Variants in ALK observed in about 807,000 individuals in gnomAD.
ALK encodes ALK receptor tyrosine kinase.
In ALK, 74 loss-of-function variants were observed where a neutral mutation model predicts 163.1. The ratio of observed to expected loss-of-function variants is 0.45; its 90% CI spans 0.38 to 0.55. The LOEUF (loss-of-function observed/expected upper bound fraction) is 0.55. ALK is among the 20% of genes least tolerant of loss of function. The probability of loss-of-function intolerance (pLI) is 0.00; values close to 1 mark genes in which losing one functional copy is unlikely to be tolerated. For synonymous variants in ALK, 960 were observed against 843.2 expected (o/e 1.14, Z -2.40); for missense variants, 2,063 against 2,105.3 (o/e 0.98, Z 0.39).
chr2:29,630,803 G>T (rs1676346819), intron 3 of ALK, among the ~76,000 whole-genome samples: 1 of 151,690 alleles, frequency 6.6e-6, no homozygotes, highest in South Asian at 2.1e-4. Context: ...AAGACTTTTA[G>T]CCTAGTTACT....
chr2:29,432,016 G>A (rs1233429493), intron 4 of ALK, among the ~76,000 whole-genome samples: 33 of 151,954 alleles, frequency 2.2e-4, no homozygotes, highest in Non-Finnish European at 5.9e-5. Context: ...TTGAGGGAGT[G>A]TATCCTAGCA....
chr2:29,771,388 A>G (rs1025720595), intron 1 of ALK, among the ~76,000 whole-genome samples: 15 of 152,234 alleles, frequency 9.9e-5, no homozygotes, highest in African/African-American at 3.1e-4. Flanking sequence ...AAGCTTCTAG[A>G]CAGAGAAAGA....
intron 3 of ALK, among the ~76,000 whole-genome samples, chr2:29,683,516 T>C (rs909133001): frequency 6.6e-6 from 1 of 152,192 alleles, no homozygotes; most frequent in African/African-American, 2.4e-5. Context: ...CCACAACCTT[T>C]GCTATGCAGG....
chr2:29,276,967 G>A (rs745929123), intron 9 of ALK, among the ~76,000 whole-genome samples: 2 of 152,150 alleles, frequency 1.3e-5, no homozygotes, highest in South Asian at 4.1e-4. Context: ...CTTAAAGTGG[G>A]TGCATTTTAT....
intron 4 of ALK, among the ~76,000 whole-genome samples, chr2:29,473,166 A>G (rs1671412794): frequency 6.6e-6 from 1 of 152,336 alleles, no homozygotes; most frequent in African/African-American, 2.4e-5. Flanking sequence ...AATATAGACA[A>G]ACAGAGAAGT....
intron 3 of ALK, among the ~76,000 whole-genome samples, chr2:29,545,638 T>C (rs1174673556): frequency 6.6e-6 from 1 of 152,184 alleles, no homozygotes; most frequent in Non-Finnish European, 1.5e-5. Context: ...TGTGCACTTT[T>C]ACTGTCTCCC....
intron 1 of ALK, among the ~76,000 whole-genome samples, chr2:29,833,760 C>T (rs1448060275): frequency 6.6e-6 from 1 of 152,160 alleles, no homozygotes; most frequent in Non-Finnish European, 1.5e-5. Flanking sequence ...GGATTGGAGC[C>T]CAGGTCTACC....
intron 10 of ALK, 54 bp from the exon 11 acceptor site, chr2:29,275,281 G>A: frequency 6.2e-7 from 1 of 1,613,424 alleles, no homozygotes; most frequent in Non-Finnish European, 8.5e-7. Flanking sequence ...ATTTCAGGGT[G>A]AGAGATGATT....
chr2:29,638,519 T>TGGGGGGGGGGGGG (rs1676610445), intron 3 of ALK, among the ~76,000 whole-genome samples: 1 of 23,458 alleles, frequency 4.3e-5, no homozygotes, highest in Non-Finnish European at 8.2e-5. Flanking sequence ...TGGAGTAGGG[T>TGGGGGGGGGGGGG]GGGGGTGGGG....
intron 4 of ALK, among the ~76,000 whole-genome samples, chr2:29,450,124 C>T (rs1358881327): frequency 6.6e-6 from 1 of 152,194 alleles, no homozygotes; most frequent in Non-Finnish European, 1.5e-5. Context: ...AGGGAAAGAA[C>T]ATCAGTATCA....
At chr2:29,468,578 A>G (rs1443845380) in intron 4 of ALK, among the ~76,000 whole-genome samples, 1 of 152,128 alleles carries the variant, frequency 6.6e-6, no homozygotes. Flanking sequence ...AGCTCAGCTC[A>G]GTGGCTCATG....
intron 3 of ALK, among the ~76,000 whole-genome samples, chr2:29,593,703 T>A (rs1391134182): frequency 6.6e-6 from 1 of 152,236 alleles, no homozygotes; most frequent in Non-Finnish European, 1.5e-5. Context: ...ATGAACACAG[T>A]CATTAAATGT....
chr2:29,619,375 A>C (rs947437326), intron 3 of ALK, among the ~76,000 whole-genome samples: 1 of 152,114 alleles, frequency 6.6e-6, no homozygotes, highest in Non-Finnish European at 1.5e-5. Context: ...TTCCAAATGT[A>C]CTCAAGTTTC....
chr2:29,392,881 G>A (rs1057456135), intron 4 of ALK, among the ~76,000 whole-genome samples: 1 of 152,216 alleles, frequency 6.6e-6, no homozygotes, highest in Non-Finnish European at 1.5e-5. Context: ...ACTGGTCAAG[G>A]TTACTGAGTG....
At position 29,233,584 on chromosome 2, in the gene ALK, C is replaced by T; in HGVS notation, c.2468G>A (p.Gly823Glu). The part of the protein sequence containing the change: ...EWAGGGGGGG[G>E]ATYVFKMKDG... Reference sequence around the variant, plus strand: ...CCATACCTTAAATACGTAGGTGGCTCCACCCCCTCCTCCTCCGCCTCCTGC... The same window carrying T: ...CCATACCTTAAATACGTAGGTGGCTTCACCCCCTCCTCCTCCGCCTCCTGC... The change falls in exon 14 of 29, where the codon GGA becomes GAA. Residue 823 changes from glycine (G) to glutamate (E), a missense_variant. Gly to Glu is a moderately conservative substitution (Grantham distance 98). Around this residue, in one of 5 missense-constraint regions of ALK, gnomAD observed 575 missense variants for 626.6 expected, o/e 0.92. Coordinates refer to ENST00000389048, the MANE Select transcript of ALK (RefSeq NM_004304.5). 1 of 1,614,174 alleles carries T rather than the reference C, an allele frequency of 6.2e-7. No individual in the cohort carries two copies. Among genetic ancestry groups the T allele is most frequent in the Non-Finnish European group, 8.5e-7 (1 of 1,180,036 alleles).
chr2:29,757,294 C>G (rs1254698340), intron 1 of ALK, among the ~76,000 whole-genome samples: 1 of 152,160 alleles, frequency 6.6e-6, no homozygotes, highest in Non-Finnish European at 1.5e-5. Flanking sequence ...TTACTACATG[C>G]CACATACTGT....
intron 11 of ALK, among the ~76,000 whole-genome samples, chr2:29,254,639 A>G (rs1664907595): frequency 6.6e-6 from 1 of 152,232 alleles, no homozygotes; most frequent in African/African-American, 2.4e-5. Context: ...AGTTTTTAAA[A>G]TGTGAACAAT....
chr2:29,679,859 T>G (rs1678009805), intron 3 of ALK, among the ~76,000 whole-genome samples: 1 of 152,026 alleles, frequency 6.6e-6, no homozygotes, highest in Admixed American at 6.6e-5. Flanking sequence ...TTCCTTAGTA[T>G]TTATTGTAAA....
intron 3 of ALK, among the ~76,000 whole-genome samples, chr2:29,598,246 A>G (rs1235849624): frequency 6.6e-6 from 1 of 152,120 alleles, no homozygotes; most frequent in Non-Finnish European, 1.5e-5. Flanking sequence ...GGCTGCTCTC[A>G]AACTCCTGAC....
Sources: gnomAD v4.1 joint callset for allele counts (sites outside exome capture counted in the v4.1 genomes callset) on GRCh38, gnomAD v4.1.1 for gene constraint, gnomAD v4.1.1 regional missense constraint, MANE v1.5 for transcripts, NCBI Gene and HGNC (gene_info 2026-07-23, HGNC 2026-07-21) for gene names.